Variants in EIF4G3 observed in about 807,000 individuals in gnomAD.
The protein encoded by EIF4G3 is eukaryotic translation initiation factor 4 gamma 3, also known as eIF-4-gamma 3.
A neutral mutation model predicts 186.4 loss-of-function variants in EIF4G3; 34 were observed. That is an observed-to-expected ratio of 0.18 (90% CI 0.14 to 0.24). EIF4G3 has a LOEUF of 0.24. Ranked by LOEUF, EIF4G3 falls within the 10% of genes least tolerant of loss-of-function variation. The probability of loss-of-function intolerance (pLI) is 1.00; values close to 1 mark genes in which losing one functional copy is unlikely to be tolerated. For synonymous variants in EIF4G3, 673 were observed against 679.5 expected, an observed-to-expected ratio of 0.99 and a Z score of 0.15; for missense variants, 1,536 against 1,948.5, an observed-to-expected ratio of 0.79 and a Z score of 3.99.
At chr1:21,099,095 G>A (rs952465575) in intron 2 of EIF4G3, among the ~76,000 whole-genome samples, 1 of 152,118 alleles carries the variant, frequency 6.6e-6, no homozygotes, top group African/African-American at 2.4e-5. Context: ...TACACTAACT[G>A]AAACCATAAA....
At chr1:20,937,059 T>C (rs933403964) in intron 14 of EIF4G3, among the ~76,000 whole-genome samples, 23 of 152,210 alleles carry the variant, frequency 1.5e-4, no homozygotes, top group African/African-American at 5.3e-4. Context: ...GAATTTGTAT[T>C]TTTAACACCC....
At chr1:21,137,705 C>T (rs545213344) in intron 2 of EIF4G3, among the ~76,000 whole-genome samples, 115 of 151,444 alleles carry the variant, frequency 7.6e-4, no homozygotes, top group African/African-American at 2.4e-3. Flanking sequence ...CTTGTACTCC[C>T]AGCTACTCAG....
intron 15 of EIF4G3, among the ~76,000 whole-genome samples, chr1:20,903,439 A>C (rs1224381252): frequency 1.3e-5 from 2 of 152,210 alleles, no homozygotes; most frequent in African/African-American, 2.4e-5. Flanking sequence ...TAACAAAAAA[A>C]CCAGCTGAAT....
At chr1:20,970,143 C>A (rs1042694542) in intron 11 of EIF4G3, among the ~76,000 whole-genome samples, 2 of 151,934 alleles carry the variant, frequency 1.3e-5, no homozygotes, top group Admixed American at 6.6e-5. Context: ...AAGTTTTAAA[C>A]GCTGTAAATA....
intron 3 of EIF4G3, among the ~76,000 whole-genome samples, chr1:21,080,149 TAA>T (rs771183192): frequency 1.4e-4 from 18 of 129,976 alleles, no homozygotes; most frequent in Admixed American, 1.6e-4. Flanking sequence ...AGACTCCAAC[TAA>T]AAAAAAAAAA....
intron 2 of EIF4G3, chr1:21,169,869 C>T (rs1336183059): frequency 6.6e-6 from 1 of 152,206 alleles, no homozygotes; most frequent in African/African-American, 2.4e-5. Flanking sequence ...AAGTCCAACA[C>T]ACTTTTTATT....
chr1:21,139,748 G>A lies in EIF4G3; in HGVS notation c.-272+36427C>T, dbSNP rs77220860. Among the ~76,000 whole-genome samples the A allele has an allele frequency of 6.0e-3, 916 of 152,180 alleles. 13 individuals are homozygous for A. The highest frequency in any genetic ancestry group is 0.024 in the East Asian group (125 of 5,170). On this transcript the variant is annotated intron_variant, in intron 2 of 36. Transcript: ENST00000602326. The stretch of plus-strand genomic sequence containing the variant: ...CTATGTTGCCAACTTAGAGTGCAGT[G>A]GCTATTTACAGCCACGATCATCACA...
At position 20,851,314 on chromosome 1, in the gene EIF4G3, C is replaced by G; in HGVS notation, c.3716G>C (p.Gly1239Ala). Residue 1239 changes from glycine (G) to alanine (A), a missense_variant, in exon 28 of 37, where the codon GGT becomes GCT. Physicochemically the swap from Gly to Ala is moderately conservative, Grantham distance 60 (BLOSUM62 0). Transcript: ENST00000602326. ...MLETVKQLTG[G>A]VDVERNSTEA... ...AGTGCTGTTCCTCTCCACATCCACA[C>G]CTCCTGTGAGCTGCTTCACGGTCTC... The G allele has an allele frequency of 6.2e-7, 1 of 1,614,178 alleles. No individual in the cohort carries two copies. The highest frequency in any genetic ancestry group is 8.5e-7 in the Non-Finnish European group (1 of 1,180,042).
intron 14 of EIF4G3, among the ~76,000 whole-genome samples, chr1:20,938,580 A>G (rs537574376): frequency 5.3e-5 from 8 of 152,332 alleles, no homozygotes; most frequent in East Asian, 1.9e-4. Context: ...TTAACTTCTC[A>G]AAGTAAACGG....
intron 27 of EIF4G3, among the ~76,000 whole-genome samples, chr1:20,852,250 C>G (rs915142158): frequency 6.6e-6 from 1 of 152,108 alleles, no homozygotes; most frequent in Non-Finnish European, 1.5e-5. Context: ...GATCTGCCCA[C>G]CTCGGCCTCC....
intron 13 of EIF4G3, 129 bp downstream of exon 13, chr1:20,949,874 A>G: frequency 1.4e-6 from 1 of 729,320 alleles, no homozygotes; most frequent in South Asian, 1.7e-5. Flanking sequence ...TTCTGCCTCA[A>G]AGCTTTGTTT....
At chr1:21,152,999 A>G (rs543033456) in intron 2 of EIF4G3, among the ~76,000 whole-genome samples, 59 of 152,348 alleles carry the variant, frequency 3.9e-4, no homozygotes, top group African/African-American at 1.4e-3. Context: ...TGCTGTTTCC[A>G]AAATAATTTT....
chr1:20,902,307 C>T (rs1385707153), intron 15 of EIF4G3, among the ~76,000 whole-genome samples: 2 of 152,140 alleles, frequency 1.3e-5, no homozygotes, highest in African/African-American at 4.8e-5. Context: ...CGTGATCTGC[C>T]CTTCTTGGCC....
intron 15 of EIF4G3, among the ~76,000 whole-genome samples, chr1:20,904,190 A>T (rs921195162): frequency 6.6e-6 from 1 of 152,240 alleles, no homozygotes; most frequent in Admixed American, 6.5e-5. Flanking sequence ...GACAGATTCA[A>T]AATCAATTCC....
At chr1:20,990,527 G>T (rs1417445413) in intron 7 of EIF4G3, among the ~76,000 whole-genome samples, 1 of 152,110 alleles carries the variant, frequency 6.6e-6, no homozygotes, top group Admixed American at 6.5e-5. Context: ...ACAAAAATTA[G>T]CCAGTGTAGT....
chr1:20,835,928 C>T (rs1571338982), intron 30 of EIF4G3, among the ~76,000 whole-genome samples: 2 of 150,794 alleles, frequency 1.3e-5, no homozygotes, highest in Non-Finnish European at 3.0e-5. Flanking sequence ...CAGAGCAAGA[C>T]CCTATCTCAG....
intron 3 of EIF4G3, among the ~76,000 whole-genome samples, chr1:21,057,627 A>G (rs12066987): frequency 0.037 from 5,560 of 152,136 alleles, 330 homozygotes; most frequent in African/African-American, 0.13. Context: ...ATTATTTGTT[A>G]AACTCTACCT....
At chr1:21,146,651 G>A (rs1426234921) in intron 2 of EIF4G3, among the ~76,000 whole-genome samples, 2 of 151,906 alleles carry the variant, frequency 1.3e-5, no homozygotes, top group African/African-American at 2.4e-5. Context: ...CAGCTACTAG[G>A]GAAGCTGAGG....
rs182840084 is a variant in EIF4G3, at chr1:20,972,501, G to T, written c.591+501C>A. On this transcript the variant is annotated intron_variant, in intron 11 of 36. Transcript: ENST00000602326. ...TACAAAAAATTAGCCGGGCCTGGTG[G>T]CTTGTGCCTGTAGTCCCAACTACTT... 1.8e-4 allele frequency among the ~76,000 whole-genome samples: 28 copies of T among 152,244 alleles called. No homozygotes were observed. In the East Asian group the frequency reaches 5.2e-3, roughly 28 times the overall value.
Sources: gnomAD v4.1 joint callset for allele counts (sites outside exome capture counted in the v4.1 genomes callset) on GRCh38, gnomAD v4.1.1 for gene constraint, MANE v1.5 for transcripts, NCBI Gene and HGNC (gene_info 2026-07-23, HGNC 2026-07-21) for gene names.